The following NELL2 variants were observed in gnomAD, a reference collection of about 807,000 sequenced individuals.
The protein encoded by NELL2 is protein kinase C-binding protein NELL2.
In NELL2, 41 loss-of-function variants were observed where a neutral mutation model predicts 109.6. The ratio of observed to expected loss-of-function variants is 0.37; its 90% CI spans 0.29 to 0.49. The LOEUF (loss-of-function observed/expected upper bound fraction) is 0.49. Among genes scored for constraint, NELL2 ranks in the 20% least tolerant of loss-of-function variants. The probability of loss-of-function intolerance (pLI) is 0.98; values close to 1 mark genes in which losing one functional copy is unlikely to be tolerated. For missense variants in NELL2, 900 were observed against 1,008.3 expected (o/e 0.89, Z 1.45); for synonymous variants, 355 against 344.7 (o/e 1.03, Z -0.33).
chr12:44,789,018 C>T (rs1478376854), intron 3 of NELL2, among the ~76,000 whole-genome samples: 1 of 152,008 alleles, frequency 6.6e-6, no homozygotes, highest in Non-Finnish European at 1.5e-5. Context: ...AGAGTCTGAG[C>T]TCAGACATGC....
intron 9 of NELL2, among the ~76,000 whole-genome samples, chr12:44,762,380 A>G (rs1941162364): frequency 6.6e-6 from 1 of 152,104 alleles, no homozygotes; most frequent in Non-Finnish European, 1.5e-5. Context: ...CCCATTTCTC[A>G]CCATTAAAAT....
chr12:44,535,334 T>TA (rs199881941), intron 15 of NELL2, among the ~76,000 whole-genome samples: 1,571 of 151,994 alleles, frequency 0.01, 33 homozygotes, highest in African/African-American at 0.036. Flanking sequence ...TATCATAAAT[T>TA]AAAAAAACTC....
chr12:44,705,525 C>T (rs1035459571), intron 11 of NELL2, among the ~76,000 whole-genome samples: 3 of 152,074 alleles, frequency 2.0e-5, no homozygotes, highest in African/African-American at 7.2e-5. Context: ...AATGCTTTCT[C>T]CTAGGATCTT....
At chr12:44,592,323 A>G (rs1033048518) in intron 15 of NELL2, among the ~76,000 whole-genome samples, 1 of 152,216 alleles carries the variant, frequency 6.6e-6, no homozygotes, top group African/African-American at 2.4e-5. Flanking sequence ...AAATTTAGAA[A>G]GGCAGGTCAA....
chr12:44,624,543 A>T (rs1946168580), intron 13 of NELL2, among the ~76,000 whole-genome samples: 1 of 151,934 alleles, frequency 6.6e-6, no homozygotes, highest in Non-Finnish European at 1.5e-5. Flanking sequence ...ACTGGCAAAT[A>T]GGTGTTATTT....
intron 12 of NELL2, among the ~76,000 whole-genome samples, chr12:44,697,691 A>G (rs189839056): frequency 3.9e-5 from 6 of 152,322 alleles, no homozygotes; most frequent in South Asian, 2.1e-4. Context: ...CAATAAATTC[A>G]TCAGGAAATC....
chr12:44,631,817 CAACTTATTCTGTCAGGGAGCTT>C (rs1946466252), intron 13 of NELL2, among the ~76,000 whole-genome samples: 2 of 152,096 alleles, frequency 1.3e-5, no homozygotes, highest in Admixed American at 1.3e-4. Context: ...GACCATTTCT[CAACTTATTCTGTCAGGGAGCTT>C]ACCCTGATCC....
At chr12:44,534,498 G>A (rs932414203) in intron 15 of NELL2, among the ~76,000 whole-genome samples, 5 of 152,070 alleles carry the variant, frequency 3.3e-5, no homozygotes, top group African/African-American at 1.2e-4. Flanking sequence ...GATGTGGATT[G>A]TATCCATTTA....
intron 16 of NELL2, among the ~76,000 whole-genome samples, chr12:44,527,261 T>C (rs1003969882): frequency 4.6e-5 from 7 of 152,212 alleles, no homozygotes; most frequent in East Asian, 1.9e-4. Flanking sequence ...AACTTAAAGA[T>C]TGTCCAGAAA....
At chr12:44,601,763 A>T (rs1945230450) in intron 15 of NELL2, among the ~76,000 whole-genome samples, 1 of 152,288 alleles carries the variant, frequency 6.6e-6, no homozygotes, top group African/African-American at 2.4e-5. Flanking sequence ...TCTCTAGAAC[A>T]AACCCATGAG....
intron 3 of NELL2, among the ~76,000 whole-genome samples, chr12:44,803,728 T>C (rs531473407): frequency 4.6e-5 from 7 of 151,862 alleles, no homozygotes; most frequent in African/African-American, 1.4e-4. Flanking sequence ...GCAAGAAAAA[T>C]AGCAAGAGTC....
At chr12:44,808,848 TA>T (rs1176072118) in intron 3 of NELL2, among the ~76,000 whole-genome samples, 3 of 152,016 alleles carry the variant, frequency 2.0e-5, no homozygotes, top group African/African-American at 7.2e-5. Flanking sequence ...CCAGAATGTA[TA>T]ATTAATATTA....
At chr12:44,672,667 G>C (rs1361202726) in intron 12 of NELL2, among the ~76,000 whole-genome samples, 2 of 152,212 alleles carry the variant, frequency 1.3e-5, no homozygotes, top group Non-Finnish European at 2.9e-5. Flanking sequence ...AAAGTTCTGT[G>C]AGAGAGGTGG....
intron 12 of NELL2, among the ~76,000 whole-genome samples, chr12:44,670,832 C>A (rs1393559423): frequency 6.6e-6 from 1 of 152,020 alleles, no homozygotes. Flanking sequence ...AAGAGAGAGA[C>A]CCCAATATAA....
chr12:44,764,669 A>G (rs1288762335), intron 9 of NELL2, among the ~76,000 whole-genome samples: 1 of 152,186 alleles, frequency 6.6e-6, no homozygotes, highest in Non-Finnish European at 1.5e-5. Flanking sequence ...CTGCCACTTT[A>G]CTAGCTGGCT....
chr12:44,891,148 C>A (rs551826890), intron 1 of NELL2, among the ~76,000 whole-genome samples: 144 of 152,316 alleles, frequency 9.5e-4, no homozygotes, highest in Non-Finnish European at 1.8e-3. Context: ...TGGTCATCTG[C>A]CCCCTTCTGA....
chr12:44,517,410 TCTCTC>T (rs1941327465), intron 19 of NELL2, among the ~76,000 whole-genome samples: 1 of 144,412 alleles, frequency 6.9e-6, no homozygotes, highest in Non-Finnish European at 1.5e-5. Context: ...TCTCTCTCTC[TCTCTC>T]TCTCTCGTTC....
intron 8 of NELL2, among the ~76,000 whole-genome samples, chr12:44,775,790 A>G (rs1220666909): frequency 6.6e-6 from 1 of 152,212 alleles, no homozygotes; most frequent in Non-Finnish European, 1.5e-5. Context: ...TCATGTGTGT[A>G]CCAATAAACT....
chr12:44,617,546 G>A, intron 13 of NELL2, among the ~76,000 whole-genome samples: 1 of 135,734 alleles, frequency 7.4e-6, no homozygotes, highest in Non-Finnish European at 1.5e-5. Context: ...AAAAAAATTA[G>A]CCGGGCGTAG....
Sources: allele counts gnomAD v4.1 joint callset (sites outside exome capture counted in the v4.1 genomes callset), GRCh38; gene constraint gnomAD v4.1.1; transcripts MANE v1.5; gene names NCBI Gene and HGNC (gene_info 2026-07-23, HGNC 2026-07-21).